CTNNA3: variants seen among roughly 807,000 people sequenced by gnomAD.
CTNNA3 encodes catenin alpha-3.
Under a neutral mutation model 95.7 loss-of-function variants are expected in CTNNA3, and 76 were observed. The ratio of observed to expected loss-of-function variants is 0.79; its 90% confidence interval spans 0.66 to 0.96. The LOEUF is 0.96. CTNNA3 is among the 40% of genes least tolerant of loss of function. The pLI, the probability that CTNNA3 is intolerant of heterozygous loss-of-function variation, is 0.00. For missense variants in CTNNA3, 1,191 were observed against 1,089.8 expected, an observed-to-expected ratio of 1.09 and a Z score of -1.31; for synonymous variants, 431 against 374.4, an observed-to-expected ratio of 1.15 and a Z score of -1.74.
chr10:67,244,111 C>T (rs1865818116), intron 5 of CTNNA3, among the ~76,000 whole-genome samples: 2 of 152,140 alleles, frequency 1.3e-5, no homozygotes, highest in African/African-American at 2.4e-5. Flanking sequence ...TGCAAAAAAG[C>T]TCAGATATGC....
At chr10:67,117,315 C>T (rs1859234090) in intron 7 of CTNNA3, among the ~76,000 whole-genome samples, 1 of 151,854 alleles carries the variant, frequency 6.6e-6, no homozygotes, top group Admixed American at 6.6e-5. Flanking sequence ...AAGGTTCAAA[C>T]CTCATTCTTC....
chr10:66,463,082 T>C (rs761407476), intron 11 of CTNNA3, among the ~76,000 whole-genome samples: 14 of 152,198 alleles, frequency 9.2e-5, no homozygotes, highest in Non-Finnish European at 1.3e-4. Context: ...TACTTCTAAA[T>C]GATATAGTCG....
At chr10:66,695,521 C>G (rs562388824) in intron 9 of CTNNA3, among the ~76,000 whole-genome samples, 1 of 152,046 alleles carries the variant, frequency 6.6e-6, no homozygotes, top group South Asian at 2.1e-4. Flanking sequence ...TGTGTAGAAT[C>G]TATTATTATC....
intron 7 of CTNNA3, among the ~76,000 whole-genome samples, chr10:66,815,936 A>G (rs937107901): frequency 1.3e-5 from 2 of 152,206 alleles, no homozygotes; most frequent in Non-Finnish European, 2.9e-5. Context: ...AGTTAACTAC[A>G]TAAGTAAATA....
chr10:66,827,321 T>C (rs534663025), intron 7 of CTNNA3, among the ~76,000 whole-genome samples: 21 of 152,324 alleles, frequency 1.4e-4, no homozygotes, highest in African/African-American at 4.6e-4. Context: ...TCCTTTACCA[T>C]ACTTACCTCC....
intron 11 of CTNNA3, among the ~76,000 whole-genome samples, chr10:66,434,159 G>A (rs1447434225): frequency 6.6e-6 from 1 of 151,806 alleles, no homozygotes; most frequent in Non-Finnish European, 1.5e-5. Context: ...CTTTAAAGTA[G>A]TTTTTTTCTA....
intron 11 of CTNNA3, among the ~76,000 whole-genome samples, chr10:66,392,352 C>T (rs759047261): frequency 2.0e-5 from 3 of 151,962 alleles, no homozygotes; most frequent in Non-Finnish European, 4.4e-5. Context: ...ATTGCTTGAA[C>T]CTGGGAGGTG....
intron 1 of CTNNA3, among the ~76,000 whole-genome samples, chr10:67,693,382 A>C (rs906139370): frequency 6.6e-6 from 1 of 152,228 alleles, no homozygotes; most frequent in Non-Finnish European, 1.5e-5. Context: ...CTAGACTAGC[A>C]TTCCCATGAG....
intron 13 of CTNNA3, among the ~76,000 whole-genome samples, chr10:66,148,864 G>A (rs2084036975): frequency 6.6e-6 from 1 of 151,894 alleles, no homozygotes; most frequent in Non-Finnish European, 1.5e-5. Context: ...TATATGCTAT[G>A]TATATATGTA....
chr10:67,258,656 C>A (rs868225875), intron 5 of CTNNA3, among the ~76,000 whole-genome samples: 43 of 152,198 alleles, frequency 2.8e-4, no homozygotes, highest in Middle Eastern at 3.4e-3. Flanking sequence ...CTGCTTTATT[C>A]TATCCCTTTC....
At chr10:67,527,184 G>T (rs1840171177) in intron 4 of CTNNA3, among the ~76,000 whole-genome samples, 1 of 152,128 alleles carries the variant, frequency 6.6e-6, no homozygotes, top group African/African-American at 2.4e-5. Flanking sequence ...TTGAGCCCAG[G>T]AGGCAGACGT....
intron 5 of CTNNA3, among the ~76,000 whole-genome samples, chr10:67,399,353 A>G (rs1844833817): frequency 6.6e-6 from 1 of 152,226 alleles, no homozygotes; most frequent in Non-Finnish European, 1.5e-5. Flanking sequence ...GCATTTTATC[A>G]GCATTTTTTC....
chr10:67,689,670 G>A (rs779821013), intron 1 of CTNNA3, among the ~76,000 whole-genome samples: 7 of 152,068 alleles, frequency 4.6e-5, no homozygotes, highest in Non-Finnish European at 8.8e-5. Flanking sequence ...GAGCTGAATG[G>A]CTTTCCTCTC....
chr10:66,609,954 A>G (rs978747601), intron 10 of CTNNA3, among the ~76,000 whole-genome samples: 1 of 152,130 alleles, frequency 6.6e-6, no homozygotes, highest in African/African-American at 2.4e-5. Context: ...TTGCAGTAAC[A>G]TGGATGGAGC....
chr10:65,922,567 C>A (rs2077104833), intron 17 of CTNNA3, among the ~76,000 whole-genome samples: 1 of 152,134 alleles, frequency 6.6e-6, no homozygotes. Context: ...ATTATAGGTT[C>A]TAGGACATGG....
chr10:67,214,897 T>C (rs1162453322), intron 6 of CTNNA3, among the ~76,000 whole-genome samples: 1 of 152,142 alleles, frequency 6.6e-6, no homozygotes, highest in South Asian at 2.1e-4. Context: ...AGTTTCACTA[T>C]GATACGTGTA....
chr10:66,707,873 A>G lies in CTNNA3; in HGVS notation c.1281+58391T>C, dbSNP rs182315851. ...TCTCCTTAGAAAAAAGCTATTATCAAGCAGTTTTGAAATCCACTTAAACCT... is the reference window on the plus strand; with the variant it reads ...TCTCCTTAGAAAAAAGCTATTATCAGGCAGTTTTGAAATCCACTTAAACCT... On this transcript the variant is annotated intron_variant, in intron 9 of 17. Transcript: ENST00000433211. Among the ~76,000 whole-genome samples the G allele has an allele frequency of 2.4e-3, 362 of 152,222 alleles. 9 individuals are homozygous for G. The highest frequency in any genetic ancestry group is 0.022 in the Admixed American group (332 of 15,262).
intron 9 of CTNNA3, among the ~76,000 whole-genome samples, chr10:66,678,672 T>C (rs1290935326): frequency 6.6e-6 from 1 of 152,192 alleles, no homozygotes; most frequent in African/African-American, 2.4e-5. Flanking sequence ...GGCTGTAATA[T>C]TAAAGAGGCT....
At chr10:67,337,851 G>A (rs1842049781) in intron 5 of CTNNA3, among the ~76,000 whole-genome samples, 1 of 152,054 alleles carries the variant, frequency 6.6e-6, no homozygotes, top group African/African-American at 2.4e-5. Flanking sequence ...CAGTGTTTTT[G>A]GATATAATGC....
Sources: gnomAD v4.1 joint callset for allele counts (sites outside exome capture counted in the v4.1 genomes callset) on GRCh38, gnomAD v4.1.1 for gene constraint, MANE v1.5 for transcripts, NCBI Gene and HGNC (gene_info 2026-07-23, HGNC 2026-07-21) for gene names.